CACNA2D2: variants seen among roughly 807,000 people sequenced by gnomAD.
CACNA2D2 encodes the protein voltage-dependent calcium channel subunit alpha-2/delta-2.
CACNA2D2 carries 48 observed loss-of-function variants against 166.4 expected under a neutral mutation model. That is an observed-to-expected ratio of 0.29 (90% CI 0.23 to 0.37). The LOEUF (loss-of-function observed/expected upper bound fraction) is 0.37. Ranked by LOEUF, CACNA2D2 falls within the 10% of genes least tolerant of loss-of-function variation. The pLI is 1.00. For synonymous variants in CACNA2D2, 561 were observed against 573.7 expected (o/e 0.98, Z 0.32); for missense variants, 1,122 against 1,433.0 (o/e 0.78, Z 3.50).
At chr3:50,464,894 A>T (rs762193501) in intron 2 of CACNA2D2, among the ~76,000 whole-genome samples, 1 of 152,246 alleles carries the variant, frequency 6.6e-6, no homozygotes, top group Non-Finnish European at 1.5e-5. Flanking sequence ...GCTGGAAAGC[A>T]GGTGCCTTTA....
At chr3:50,377,397 G>T (rs1468076841) in intron 17 of CACNA2D2, 70 bp downstream of exon 17, 2 of 1,304,674 alleles carry the variant, frequency 1.5e-6, no homozygotes, top group Non-Finnish European at 2.2e-6. Context: ...ATACCCATCA[G>T]TCTTCTCTGC....
At chr3:50,444,599 T>G (rs1010894342) in intron 2 of CACNA2D2, among the ~76,000 whole-genome samples, 6 of 152,292 alleles carry the variant, frequency 3.9e-5, no homozygotes, top group Middle Eastern at 3.4e-3. Flanking sequence ...GGACCAACTT[T>G]CCCGGCCTCA....
chr3:50,367,530 G>C lies in CACNA2D2; in HGVS notation c.2298-33C>G. 6.2e-7 allele frequency: 1 copy of C among 1,610,620 alleles called. No homozygotes were observed. Among genetic ancestry groups the C allele is most frequent in the Non-Finnish European group, 8.5e-7 (1 of 1,177,108 alleles). ...ACCCAAGAGGCAGACTGGTAGGTAAGGGGTGGCTTGTCGGGGACAGTGGTC... is the reference window on the plus strand; with the variant it reads ...ACCCAAGAGGCAGACTGGTAGGTAACGGGTGGCTTGTCGGGGACAGTGGTC... On this transcript the variant is annotated intron_variant, in intron 26 of 37. Coordinates refer to ENST00000424201, the MANE Select transcript of CACNA2D2 (RefSeq NM_006030.4). The surrounding 1 kb of genome is among the most constrained non-coding windows in gnomAD (Gnocchi z 6.5).
chr3:50,368,086 C>T, intron 24 of CACNA2D2, 52 bp downstream of exon 24: 3 of 1,387,330 alleles, frequency 2.2e-6, no homozygotes, highest in Admixed American at 1.7e-5. Flanking sequence ...TCTGGGCTGG[C>T]CCCATGCTGC....
intron 6 of CACNA2D2, among the ~76,000 whole-genome samples, chr3:50,383,735 G>T (rs1705444852): frequency 6.6e-6 from 1 of 152,164 alleles, no homozygotes; most frequent in African/African-American, 2.4e-5. Context: ...GTGTCATAGG[G>T]TTGGTATCTG....
intron 3 of CACNA2D2, among the ~76,000 whole-genome samples, chr3:50,404,679 CAT>C (rs761305135): frequency 1.2e-4 from 18 of 152,246 alleles, no homozygotes; most frequent in East Asian, 7.7e-4. Context: ...CCTGTCAACA[CAT>C]GTTTACTGAG....
chr3:50,477,722 G>A (rs1326700638), intron 1 of CACNA2D2, among the ~76,000 whole-genome samples: 12 of 152,220 alleles, frequency 7.9e-5, no homozygotes, highest in South Asian at 2.1e-4. Flanking sequence ...ACAGCCCACA[G>A]GGTACAGTAG....
chr3:50,376,241 TG>T lies in CACNA2D2; in HGVS notation c.1627-54del, dbSNP rs1372476845. The T allele has an allele frequency of 3.8e-6, 6 of 1,584,296 alleles. No homozygotes were observed. The highest frequency in any genetic ancestry group is 1.3e-5 in the African/African-American group (1 of 74,444). On this transcript the variant is annotated intron_variant, in intron 17 of 37. Transcript: ENST00000424201. This position sits in a 1 kb window ranked among gnomAD's most constrained non-coding sequence, Gnocchi z 4.3. ...TCTGGAGGGATGGGCTGGGGTTCCCTGGGCTCCGGAGTTCTTCCCTATTTGG... is the reference window on the plus strand; with the variant it reads ...TCTGGAGGGATGGGCTGGGGTTCCCTGGCTCCGGAGTTCTTCCCTATTTGG...
chr3:50,399,865 C>T (rs143306837), intron 3 of CACNA2D2, among the ~76,000 whole-genome samples: 85 of 152,244 alleles, frequency 5.6e-4, no homozygotes, highest in South Asian at 2.3e-3. Flanking sequence ...TTGCCCTTCT[C>T]CTAGGAGAGA....
intron 3 of CACNA2D2, among the ~76,000 whole-genome samples, chr3:50,414,220 C>T (rs1174619769): frequency 6.6e-6 from 1 of 152,110 alleles, no homozygotes; most frequent in Non-Finnish European, 1.5e-5. Flanking sequence ...CCCCCACAGG[C>T]CCACACAGAG....
chr3:50,463,969 A>G (rs564305946), intron 2 of CACNA2D2, among the ~76,000 whole-genome samples: 1 of 152,364 alleles, frequency 6.6e-6, no homozygotes, highest in Admixed American at 6.5e-5. Context: ...TGCTGAATCC[A>G]GACGCCCTGG....
chr3:50,481,334 C>T (rs959691117), intron 1 of CACNA2D2, among the ~76,000 whole-genome samples: 2 of 152,146 alleles, frequency 1.3e-5, no homozygotes, highest in African/African-American at 2.4e-5. Flanking sequence ...ACCACTCACA[C>T]GGAGGCATTT....
chr3:50,413,642 T>C (rs907285338), intron 3 of CACNA2D2, among the ~76,000 whole-genome samples: 5 of 151,878 alleles, frequency 3.3e-5, no homozygotes, highest in Admixed American at 2.0e-4. Flanking sequence ...AGGCCAGGAG[T>C]TCGAGACCAG....
intron 2 of CACNA2D2, among the ~76,000 whole-genome samples, chr3:50,439,344 G>T (rs548175661): frequency 3.9e-5 from 6 of 152,230 alleles, no homozygotes; most frequent in Non-Finnish European, 7.3e-5. Context: ...GCACTCGCAC[G>T]CAAGGCTCCT....
Position 50,365,248 on chromosome 3 carries a change from G to GACCCCACCCCCATCCT in CACNA2D2, c.3099-65_3099-64insAGGATGGGGGTGGGGT, listed in dbSNP as rs1704179436. On this transcript the variant is annotated intron_variant, in intron 35 of 37. Transcript: ENST00000424201. This position sits in a 1 kb window ranked among gnomAD's most constrained non-coding sequence, Gnocchi z 4.5. Reference sequence around the variant, plus strand: ...CCGCCCTGACCCACCCCCATCCTGCGGCCCCGCCCCCGGCCGCTCGGAGGC... The same window carrying GACCCCACCCCCATCCT: ...CCGCCCTGACCCACCCCCATCCTGCGACCCCACCCCCATCCTGCCCCGCCCCCGGCCGCTCGGAGGC... 9.0e-7 allele frequency: 1 copy of GACCCCACCCCCATCCT among 1,113,990 alleles called. No individual in the cohort carries two copies. The highest frequency in any genetic ancestry group is 1.9e-5 in the African/African-American group (1 of 53,540). The allele number at this position is 1,113,990 out of a possible 1,614,324, so 69.0% of individuals were successfully genotyped here. A position where few individuals can be genotyped will look rare whatever the true frequency, so the allele number is the denominator to read the frequency against.
At position 50,387,556 on chromosome 3, in the gene CACNA2D2, G is replaced by C. The variant is rs779635929; in HGVS notation, c.510+12C>G. ...CCCAGCAAGGAGGTGTGGCTCAGGA[G>C]GGGGTGCTCACCAGCTCAGCGTCAG... is the stretch of plus-strand genomic sequence containing the variant. On this transcript the variant is annotated intron_variant, in intron 5 of 37. Transcript: ENST00000424201. The C allele has an allele frequency of 6.2e-7, 1 of 1,611,608 alleles. No homozygotes were observed. Among genetic ancestry groups the C allele is most frequent in the South Asian group, 1.1e-5 (1 of 91,028 alleles).
chr3:50,423,268 C>T (rs565079656), intron 3 of CACNA2D2, among the ~76,000 whole-genome samples: 14 of 152,360 alleles, frequency 9.2e-5, no homozygotes, highest in African/African-American at 3.1e-4. Flanking sequence ...TGCTTGACCA[C>T]CTAAGGCTCC....
Position 50,380,979 on chromosome 3 carries a change from A to C in CACNA2D2, c.784+16T>G, listed in dbSNP as rs768658010. 4 of 1,613,372 alleles carry C rather than the reference A, an allele frequency of 2.5e-6. No individual in the cohort carries two copies. The highest frequency in any genetic ancestry group is 1.1e-5 in the South Asian group (1 of 91,058). ...GCGAGGTGCTGGGTAGACAGGGGAC[A>C]GGGGCTGGTACCTACCCGGGTAGTA... On this transcript the variant is annotated intron_variant, in intron 7 of 37. Coordinates refer to ENST00000424201, the MANE Select transcript of CACNA2D2 (RefSeq NM_006030.4). The surrounding 1 kb of genome is among the most constrained non-coding windows in gnomAD (Gnocchi z 4.9).
At chr3:50,384,789 T>C (rs1396069163) in intron 5 of CACNA2D2, among the ~76,000 whole-genome samples, 2 of 152,224 alleles carry the variant, frequency 1.3e-5, no homozygotes, top group Non-Finnish European at 2.9e-5. Flanking sequence ...CACTGGGTCC[T>C]GCCCAGCCCC....
Sources: allele counts gnomAD v4.1 joint callset (sites outside exome capture counted in the v4.1 genomes callset), GRCh38; gene constraint gnomAD v4.1.1; non-coding constraint Gnocchi (gnomAD v3.1); transcripts MANE v1.5; gene names NCBI Gene and HGNC (gene_info 2026-07-23, HGNC 2026-07-21).